Variants in PPME1 observed in about 807,000 individuals in gnomAD.
PPME1 encodes testicular secretory protein Li 39.
A neutral mutation model predicts 56.9 loss-of-function variants in PPME1; 17 were observed. The observed-to-expected ratio is 0.30, with a 90% CI of 0.20 to 0.45. The LOEUF (loss-of-function observed/expected upper bound fraction) is 0.45, where lower values mean the gene tolerates loss of function less well. Among genes scored for constraint, PPME1 ranks in the 20% least tolerant of loss-of-function variants. PPME1 has a pLI of 1.00. For missense variants in PPME1, 357 were observed against 483.2 expected (o/e 0.74, Z 2.45); for synonymous variants, 122 against 156.2 (o/e 0.78, Z 1.63).
intron 1 of PPME1, among the ~76,000 whole-genome samples, chr11:74,179,259 C>T (rs575924555): frequency 6.6e-6 from 1 of 152,324 alleles, no homozygotes; most frequent in South Asian, 2.1e-4. Context: ...AGAAAGAACG[C>T]TTTGGCACCT....
chr11:74,222,401 G>GATT, intron 4 of PPME1, 32 bp downstream of exon 4: 1 of 1,543,294 alleles, frequency 6.5e-7, no homozygotes, highest in Non-Finnish European at 9.0e-7. Flanking sequence ...CCATTAACTG[G>GATT]ATTATAGTCA....
chr11:74,180,752 G>A (rs1857510499), intron 1 of PPME1, among the ~76,000 whole-genome samples: 1 of 152,136 alleles, frequency 6.6e-6, no homozygotes, highest in Non-Finnish European at 1.5e-5. Flanking sequence ...ACTATTATAA[G>A]ACAGCAAATG....
In PPME1 at chr11:74,231,007, C is replaced by A; in HGVS notation, c.644+5C>A. Reference sequence around the variant, plus strand: ...GGAGAATGCTATTGAATGGAGGTAACCAACAAATCTTTGTCGCCTTTATTT... The same window carrying A: ...GGAGAATGCTATTGAATGGAGGTAAACAACAAATCTTTGTCGCCTTTATTT... On this transcript the variant is annotated splice_donor_5th_base_variant and intron_variant, in intron 7 of 13. Transcript: ENST00000328257. The A allele has an allele frequency of 5.7e-6, 9 of 1,577,238 alleles. No individual in the cohort carries two copies. The highest frequency in any genetic ancestry group is 7.8e-6 in the Non-Finnish European group (9 of 1,155,864).
chr11:74,230,475 A>T lies in PPME1; in HGVS notation c.553+76A>T, dbSNP rs912748526. 36 of 1,492,512 alleles carry T rather than the reference A, an allele frequency of 2.4e-5. No individual in the cohort carries two copies. Among genetic ancestry groups the T allele is most frequent in the Middle Eastern group, 3.5e-4 (2 of 5,744 alleles). The allele number at this position is 1,492,512 out of a possible 1,614,324, so 92.5% of individuals were successfully genotyped here. ...CCTTGGTAGATTATTACCTTGTCTT[A>T]GTTTATTGTTGATTTCATTCATCTT... On this transcript the variant is annotated intron_variant, in intron 6 of 13. Coordinates refer to ENST00000328257, the MANE Select transcript of PPME1 (RefSeq NM_016147.3). The surrounding 1 kb of genome is among the most constrained non-coding windows in gnomAD (Gnocchi z 4.9).
intron 1 of PPME1, among the ~76,000 whole-genome samples, chr11:74,183,355 T>C (rs148811428): frequency 6.2e-4 from 95 of 152,326 alleles, no homozygotes; most frequent in African/African-American, 2.2e-3. Context: ...AGCTGGCATA[T>C]GAACTGGTGT....
chr11:74,233,281 T>A (rs1279641168), intron 7 of PPME1, among the ~76,000 whole-genome samples: 1 of 152,162 alleles, frequency 6.6e-6, no homozygotes, highest in Non-Finnish European at 1.5e-5. Flanking sequence ...TTGTTAAATG[T>A]TAAGATGTTC....
chr11:74,211,347 CA>C (rs371455736), intron 3 of PPME1, among the ~76,000 whole-genome samples: 3 of 147,404 alleles, frequency 2.0e-5, no homozygotes, highest in African/African-American at 7.5e-5. Flanking sequence ...TGAAAAAGAG[CA>C]AAAAAAAAGA....
chr11:74,217,653 A>G (rs1858689393), intron 3 of PPME1, among the ~76,000 whole-genome samples: 1 of 152,054 alleles, frequency 6.6e-6, no homozygotes, highest in Non-Finnish European at 1.5e-5. Context: ...GTGATACATC[A>G]TATCAACAGA....
chr11:74,207,848 A>G (rs1315486823), intron 3 of PPME1, among the ~76,000 whole-genome samples: 4 of 152,198 alleles, frequency 2.6e-5, no homozygotes, highest in Non-Finnish European at 5.9e-5. Flanking sequence ...CAGCTTTGGT[A>G]CCTCTGAAGA....
At position 74,225,228 on chromosome 11, in the gene PPME1, G is replaced by A. The variant is rs1389598971; in HGVS notation, c.370G>A (p.Glu124Lys). 3.8e-6 allele frequency: 6 copies of A among 1,569,488 alleles called. No homozygotes were observed. The highest frequency in any genetic ancestry group is 5.2e-6 in the Non-Finnish European group (6 of 1,155,268). ...SHGETKVKNP[E>K]DLSAETMAKD... is the part of the protein sequence containing the mutation. ...AGGTGAAACAAAGGTCAAGAATCCT[G>A]AAGATCTGTCTGCAGAAACAATGGC... The change falls in exon 5 of 14, where the codon GAA becomes AAA. Residue 124 changes from glutamate to lysine, a missense_variant. By Grantham distance (56) the Glu-to-Lys change is moderately conservative (BLOSUM62 1). Coordinates refer to ENST00000328257, the MANE Select transcript of PPME1 (RefSeq NM_016147.3).
At chr11:74,226,287 C>T (rs1367670391) in intron 5 of PPME1, among the ~76,000 whole-genome samples, 1 of 152,114 alleles carries the variant, frequency 6.6e-6, no homozygotes, top group Admixed American at 6.6e-5. Flanking sequence ...TACCCTTTTA[C>T]AGATGAGGAA....
chr11:74,202,045 A>G (rs1591032362), intron 1 of PPME1, among the ~76,000 whole-genome samples: 1 of 152,232 alleles, frequency 6.6e-6, no homozygotes, highest in African/African-American at 2.4e-5. Context: ...CTACTGAGCA[A>G]TTATCAAATG....
At chr11:74,245,375 C>T (rs1253918667) in intron 9 of PPME1, among the ~76,000 whole-genome samples, 9 of 151,906 alleles carry the variant, frequency 5.9e-5, no homozygotes, top group Non-Finnish European at 1.2e-4. Context: ...ATATTTATTT[C>T]AATTATAATG....
At chr11:74,239,621 G>C (rs1414114298) in intron 9 of PPME1, among the ~76,000 whole-genome samples, 1 of 145,480 alleles carries the variant, frequency 6.9e-6, no homozygotes, top group Non-Finnish European at 1.5e-5. Context: ...CAGTCACCCA[G>C]GCTGGAGTAC....
At chr11:74,239,372 C>A (rs1859287320) in intron 9 of PPME1, 116 bp downstream of exon 9, 9 of 1,430,808 alleles carry the variant, frequency 6.3e-6, no homozygotes, top group Middle Eastern at 1.8e-4. Context: ...TTTTAGGGAG[C>A]CAAGACACTA....
intron 7 of PPME1, among the ~76,000 whole-genome samples, chr11:74,234,974 T>TG (rs1366612646): frequency 2.0e-5 from 3 of 152,196 alleles, no homozygotes; most frequent in African/African-American, 7.2e-5. Flanking sequence ...TAAACAGGCA[T>TG]CAAGGCAGAG....
chr11:74,174,865 A>G (rs1857367908), intron 1 of PPME1, among the ~76,000 whole-genome samples: 1 of 152,226 alleles, frequency 6.6e-6, no homozygotes. Flanking sequence ...CCCAACTAGT[A>G]GGTAGCAGAG....
chr11:74,179,699 A>G (rs1300843056), intron 1 of PPME1, among the ~76,000 whole-genome samples: 1 of 152,218 alleles, frequency 6.6e-6, no homozygotes, highest in African/African-American at 2.4e-5. Context: ...CTCTAACAGC[A>G]TGATTCATGA....
chr11:74,239,011 A>C, intron 8 of PPME1, 122 bp from the exon 9 acceptor site: 1 of 962,686 alleles, frequency 1.0e-6, no homozygotes, highest in Non-Finnish European at 1.5e-6. Flanking sequence ...CTATCCTCCT[A>C]CCAGGATGAT....
Sources: gnomAD v4.1 joint callset for allele counts (sites outside exome capture counted in the v4.1 genomes callset) on GRCh38, gnomAD v4.1.1 for gene constraint, Gnocchi (gnomAD v3.1) non-coding constraint, MANE v1.5 for transcripts, NCBI Gene and HGNC (gene_info 2026-07-23, HGNC 2026-07-21) for gene names.